Variants in LATS2 observed in about 807,000 individuals in gnomAD.
The protein encoded by LATS2 is serine/threonine-protein kinase LATS2.
Under a neutral mutation model 76.0 loss-of-function variants are expected in LATS2, and 24 were observed. The observed-to-expected ratio is 0.32, with a 90% CI of 0.23 to 0.44. The LOEUF is 0.44. Ranked by LOEUF, LATS2 falls within the 20% of genes least tolerant of loss-of-function variation. The pLI, the probability that LATS2 is intolerant of heterozygous loss-of-function variation, is 1.00. For synonymous variants in LATS2, 692 were observed against 635.4 expected (o/e 1.09, Z -1.34); for missense variants, 1,286 against 1,481.2 (o/e 0.87, Z 2.16).
At chr13:20,982,311 ATTTAT>A (rs760190495) in intron 5 of LATS2, among the ~76,000 whole-genome samples, 10 of 152,060 alleles carry the variant, frequency 6.6e-5, no homozygotes, top group South Asian at 2.1e-4. Flanking sequence ...TGACTCTTTT[ATTTAT>A]TTTATTTTAT....
chr13:20,997,934 C>T (rs914173459), intron 2 of LATS2, among the ~76,000 whole-genome samples: 1 of 152,204 alleles, frequency 6.6e-6, no homozygotes, highest in Admixed American at 6.5e-5. Context: ...AAGCATTTTT[C>T]AAGCCTTAGC....
chr13:21,031,874 G>C (rs1872540318), intron 2 of LATS2, among the ~76,000 whole-genome samples: 1 of 152,104 alleles, frequency 6.6e-6, no homozygotes, highest in Non-Finnish European at 1.5e-5. Flanking sequence ...TTTTCTGTCT[G>C]TGCATCACTA....
chr13:21,020,167 C>T (rs1008971508), intron 2 of LATS2, among the ~76,000 whole-genome samples: 23 of 144,332 alleles, frequency 1.6e-4, no homozygotes, highest in Non-Finnish European at 2.6e-4. Context: ...TGAAAACACA[C>T]CAATTCCCAC....
intron 2 of LATS2, among the ~76,000 whole-genome samples, chr13:20,996,358 T>A (rs1332140433): frequency 6.7e-6 from 1 of 150,318 alleles, no homozygotes; most frequent in Non-Finnish European, 1.5e-5. Flanking sequence ...TTTTTCTACC[T>A]ACATTAGAGT....
At chr13:20,996,696 G>C (rs1870766966) in intron 2 of LATS2, among the ~76,000 whole-genome samples, 1 of 151,996 alleles carries the variant, frequency 6.6e-6, no homozygotes, top group Non-Finnish European at 1.5e-5. Flanking sequence ...GAAGATTCTG[G>C]ATACTTTGAA....
chr13:20,993,229 G>A (rs994805443), intron 2 of LATS2, among the ~76,000 whole-genome samples: 2 of 152,102 alleles, frequency 1.3e-5, no homozygotes, highest in South Asian at 2.1e-4. Flanking sequence ...GATCTGAATC[G>A]CACTCAGCTG....
intron 2 of LATS2, among the ~76,000 whole-genome samples, chr13:20,999,536 A>T (rs532311875): frequency 8.6e-5 from 13 of 151,896 alleles, no homozygotes; most frequent in Non-Finnish European, 1.9e-4. Context: ...TGGCTCGATC[A>T]GGGCTCATTG....
Position 21,036,330 on chromosome 13 carries a change from C to A in LATS2, c.342+9355G>T, listed in dbSNP as rs143202552. Among the ~76,000 whole-genome samples, 1,279 of 152,186 alleles carry A rather than the reference C, an allele frequency of 8.4e-3. 12 individuals are homozygous for A. The highest frequency in any genetic ancestry group is 0.029 in the African/African-American group (1,224 of 41,530). ...TACAGGTGTGAGCCACTGTGCCTGG[C>A]CAAAAGCCCATTTTAACAGGAAAGT... On this transcript the variant is annotated intron_variant, in intron 2 of 7. Coordinates refer to ENST00000382592, the MANE Select transcript of LATS2 (RefSeq NM_014572.3).
At chr13:21,024,687 A>G (rs1462726025) in intron 2 of LATS2, among the ~76,000 whole-genome samples, 1 of 61,124 alleles carries the variant, frequency 1.6e-5, no homozygotes, top group Admixed American at 2.0e-4. Flanking sequence ...TTATACCCAC[A>G]TTAAAAAAAA....
intron 2 of LATS2, among the ~76,000 whole-genome samples, chr13:21,026,942 T>C (rs1773501495): frequency 6.6e-6 from 1 of 152,172 alleles, no homozygotes; most frequent in Non-Finnish European, 1.5e-5. Context: ...TAGTATCTCA[T>C]TGTGGTTTTA....
At chr13:21,012,772 T>C (rs1012911491) in intron 2 of LATS2, among the ~76,000 whole-genome samples, 7 of 141,632 alleles carry the variant, frequency 4.9e-5, no homozygotes, top group African/African-American at 8.5e-5. Context: ...CTGTGGGTGA[T>C]TGGGTGAATC....
intron 2 of LATS2, among the ~76,000 whole-genome samples, chr13:21,001,187 TA>T: frequency 6.6e-6 from 1 of 152,334 alleles, no homozygotes; most frequent in South Asian, 2.1e-4. Context: ...TTTGCTAAAA[TA>T]AGACTTTTGT....
intron 2 of LATS2, among the ~76,000 whole-genome samples, chr13:21,024,878 C>T (rs1451606431): frequency 2.0e-5 from 3 of 152,280 alleles, no homozygotes; most frequent in Non-Finnish European, 2.9e-5. Flanking sequence ...TGAGCCCCAT[C>T]TCAAGGCCTC....
At position 20,987,999 on chromosome 13, in the gene LATS2, A is replaced by C. The variant is rs1870238366; in HGVS notation, c.1781T>G (p.Ile594Ser). 6.8e-6 allele frequency: 11 copies of C among 1,614,244 alleles called. No homozygotes were observed. The highest frequency in any genetic ancestry group is 7.6e-6 in the Non-Finnish European group (9 of 1,180,046). Residue 594 changes from isoleucine (I) to serine (S), a missense_variant, in exon 4 of 8, where the codon ATC (isoleucine) becomes AGC (serine). Ile to Ser is a moderately radical substitution (Grantham distance 142, BLOSUM62 -2). Coordinates refer to ENST00000382592, the MANE Select transcript of LATS2 (RefSeq NM_014572.3). Reference sequence around the variant, plus strand: ...AAAGGCGTATGGCGAGTAGCTCTTGATGCGTGACTCTCTCTTCTCTTCGTC... The same window carrying C: ...AAAGGCGTATGGCGAGTAGCTCTTGCTGCGTGACTCTCTCTTCTCTTCGTC... ...SRDEEKRESRIKSYSPYAFKF... is the reference protein window; with the variant it reads ...SRDEEKRESRSKSYSPYAFKF...
intron 5 of LATS2, 61 bp downstream of exon 5, chr13:20,983,163 T>C (rs956531196): frequency 2.3e-5 from 27 of 1,165,868 alleles, no homozygotes; most frequent in Admixed American, 1.9e-4. Context: ...ATTTAGTTGC[T>C]TGCAATGGGG....
At chr13:21,007,645 GTGTGTGTATATATATATAGTGTGTA>G (rs1871363894) in intron 2 of LATS2, among the ~76,000 whole-genome samples, 13 of 420 alleles carry the variant, frequency 0.031, 2 homozygotes, top group African/African-American at 0.05. Context: ...TATATATATA[GTGTGTGTATATATATATAGTGTGTA>G]TATATATATA....
intron 3 of LATS2, among the ~76,000 whole-genome samples, chr13:20,990,461 ATTTT>A (rs35074574): frequency 1.1e-5 from 1 of 94,522 alleles, no homozygotes. Context: ...AATTACTAGG[ATTTT>A]TTTTTTTTTT....
chr13:21,007,571 A>T (rs570062406), intron 2 of LATS2, among the ~76,000 whole-genome samples: 1 of 18,510 alleles, frequency 5.4e-5, no homozygotes, highest in African/African-American at 6.4e-4. Context: ...ATATATATAT[A>T]TATATATATA....
chr13:21,023,135 G>C lies in LATS2; in HGVS notation c.342+22550C>G, dbSNP rs185862846. On this transcript the variant is annotated intron_variant, in intron 2 of 7. Coordinates refer to ENST00000382592, the MANE Select transcript of LATS2 (RefSeq NM_014572.3). ...CCAAAGATCGCTCCCGGCATCCATA[G>C]CGCTGCATCGAGGGCTCCGGGCTCC... 7.6e-5 allele frequency: 11 copies of C among 144,928 alleles called. No homozygotes were observed. In the East Asian group the frequency reaches 2.2e-3, roughly 28 times the overall value. The allele number at this position is 144,928 out of a possible 1,614,324, so 9.0% of individuals were successfully genotyped here. A position where few individuals can be genotyped will look rare whatever the true frequency, so the allele number is the denominator to read the frequency against.
Sources: allele counts gnomAD v4.1 joint callset (sites outside exome capture counted in the v4.1 genomes callset), GRCh38; gene constraint gnomAD v4.1.1; transcripts MANE v1.5; gene names NCBI Gene and HGNC (gene_info 2026-07-23, HGNC 2026-07-21).